The following EXTL2 variants were observed in gnomAD, a reference collection of about 807,000 sequenced individuals.
The protein encoded by EXTL2 is exostosin-like 2.
EXTL2 carries 23 observed loss-of-function variants against 30.7 expected under a neutral mutation model. The ratio of observed to expected loss-of-function variants is 0.75; its 90% CI spans 0.54 to 1.06. The LOEUF is 1.06. EXTL2 is among the 50% of genes least tolerant of loss of function. The probability of loss-of-function intolerance (pLI) is 0.00; values close to 1 mark genes in which losing one functional copy is unlikely to be tolerated. For synonymous variants in EXTL2, 123 were observed against 133.8 expected (o/e 0.92, Z 0.56); for missense variants, 352 against 396.3 (o/e 0.89, Z 0.95).
chr1:100,891,731 T>C (rs1161098917), intron 1 of EXTL2, among the ~76,000 whole-genome samples: 2 of 152,206 alleles, frequency 1.3e-5, no homozygotes, highest in Non-Finnish European at 2.9e-5. Flanking sequence ...ACTGGAAAAG[T>C]TGCAAATCTT....
intron 1 of EXTL2, among the ~76,000 whole-genome samples, chr1:100,893,117 G>C (rs1189135412): frequency 6.6e-6 from 1 of 152,130 alleles, no homozygotes; most frequent in Non-Finnish European, 1.5e-5. Context: ...TGGTAGGAGA[G>C]ATATAAAAAC....
rs186189164 is a variant in EXTL2, at chr1:100,873,869, A to G, written c.*73T>C. Reference sequence around the variant, plus strand: ...GTAGATAAAATTCATGATGTTGCTTAAAAAAATACATAGCATGGAGAAGCT... The same window carrying G: ...GTAGATAAAATTCATGATGTTGCTTGAAAAAATACATAGCATGGAGAAGCT... On this transcript the variant is annotated 3_prime_UTR_variant, in exon 5 of 5. Transcript: ENST00000370114. The G allele has an allele frequency of 2.1e-6, 3 of 1,442,892 alleles. No homozygotes were observed. In the African/African-American group the frequency reaches 4.3e-5, roughly 21 times the overall value. 89.4% of individuals were successfully genotyped at this position (1,442,892 alleles called of 1,614,324 possible). A position where few individuals can be genotyped will look rare whatever the true frequency, so the allele number is the denominator to read the frequency against.
intron 2 of EXTL2, among the ~76,000 whole-genome samples, chr1:100,887,798 G>A (rs531627154): frequency 2.6e-4 from 39 of 152,020 alleles, no homozygotes; most frequent in Middle Eastern, 3.4e-3. Context: ...CCGCCTCCCC[G>A]GGTCATTCTC....
At position 100,872,586 on chromosome 1, in the gene EXTL2, A is replaced by T. The variant is rs1648782990; in HGVS notation, c.*1356T>A. ...GTAAAAAAAAAACCATCATATGCGG[A>T]ACTAAATGCACAAAGACCTCATTAT... On this transcript the variant is annotated 3_prime_UTR_variant, in exon 5 of 5. Coordinates refer to ENST00000370114, the MANE Select transcript of EXTL2 (RefSeq NM_001033025.3). 1 of 152,456 alleles carries T rather than the reference A, an allele frequency of 6.6e-6. No individual in the cohort carries two copies. Among genetic ancestry groups the T allele is most frequent in the Non-Finnish European group, 1.5e-5 (1 of 67,966 alleles). The allele number at this position is 152,456 out of a possible 1,614,324, so 9.4% of individuals were successfully genotyped here. A position where few individuals can be genotyped will look rare whatever the true frequency, so the allele number is the denominator to read the frequency against.
chr1:100,882,826 T>TA (rs1024277221), intron 2 of EXTL2, among the ~76,000 whole-genome samples: 47 of 151,700 alleles, frequency 3.1e-4, no homozygotes, highest in Non-Finnish European at 4.7e-4. Context: ...TCTCATCTCA[T>TA]AAAAAAACAA....
In EXTL2 at chr1:100,888,814, C is replaced by CTATA; in HGVS notation, c.-58_-57insTATA. ...TTATAGCTTCAGTAATTGACAGAAG[C>CTATA]AGGCTCACTTGTCACTATTAAGATA... On this transcript the variant is annotated 5_prime_UTR_variant, in exon 2 of 5. The change abolishes the stop of an existing upstream ORF in the 5' untranslated region. Coordinates refer to ENST00000370114, the MANE Select transcript of EXTL2 (RefSeq NM_001033025.3). 1 of 1,404,560 alleles carries CTATA rather than the reference C, an allele frequency of 7.1e-7. No individual in the cohort carries two copies. The highest frequency in any genetic ancestry group is 9.8e-7 in the Non-Finnish European group (1 of 1,024,000). 87.0% of individuals were successfully genotyped at this position (1,404,560 alleles called of 1,614,324 possible).
At chr1:100,892,502 A>G (rs1325613757) in intron 1 of EXTL2, among the ~76,000 whole-genome samples, 2 of 152,126 alleles carry the variant, frequency 1.3e-5, no homozygotes, top group African/African-American at 4.8e-5. Flanking sequence ...TGATTGAGCC[A>G]CTACTGGCTT....
intron 2 of EXTL2, among the ~76,000 whole-genome samples, chr1:100,887,999 G>A (rs765576370): frequency 3.9e-5 from 6 of 152,120 alleles, no homozygotes; most frequent in Non-Finnish European, 5.9e-5. Context: ...CGCCCTGCCC[G>A]CCACATTGTA....
chr1:100,885,150 G>A (rs78667052), intron 2 of EXTL2, among the ~76,000 whole-genome samples: 3,523 of 152,286 alleles, frequency 0.023, 138 homozygotes, highest in African/African-American at 0.079. Flanking sequence ...AGACCACACA[G>A]GCCCCCTTTC....
chr1:100,876,992 T>C, intron 3 of EXTL2, 128 bp from the exon 4 acceptor site: 1 of 619,644 alleles, frequency 1.6e-6, no homozygotes, highest in Non-Finnish European at 2.8e-6. Flanking sequence ...ATAAGCAATG[T>C]ATTCTTGGGG....
intron 2 of EXTL2, among the ~76,000 whole-genome samples, chr1:100,880,213 C>T (rs1232904691): frequency 3.3e-5 from 5 of 152,084 alleles, no homozygotes; most frequent in Admixed American, 1.3e-4. Flanking sequence ...GCATACTCTC[C>T]ATGATAGGAC....
chr1:100,878,396 A>T (rs1205341302), intron 2 of EXTL2: 2 of 470,950 alleles, frequency 4.2e-6, no homozygotes, highest in South Asian at 3.1e-5. Context: ...GTACTTACTC[A>T]TTCAACAGAT....
At chr1:100,889,889 G>A (rs1321600563) in intron 1 of EXTL2, among the ~76,000 whole-genome samples, 1 of 152,162 alleles carries the variant, frequency 6.6e-6, no homozygotes, top group Non-Finnish European at 1.5e-5. Flanking sequence ...AGTGTCTGTG[G>A]CTTTTCCAGG....
chr1:100,891,310 T>C (rs1650407056), intron 1 of EXTL2, among the ~76,000 whole-genome samples: 1 of 152,226 alleles, frequency 6.6e-6, no homozygotes, highest in Non-Finnish European at 1.5e-5. Flanking sequence ...TTATTGTTTT[T>C]ATGTAAGCAT....
chr1:100,883,898 T>C (rs562266349), intron 2 of EXTL2, among the ~76,000 whole-genome samples: 5 of 152,280 alleles, frequency 3.3e-5, no homozygotes, highest in African/African-American at 9.6e-5. Context: ...GTAAATAATA[T>C]ATAGTATATT....
At chr1:100,893,263 G>A (rs1650573808) in intron 1 of EXTL2, among the ~76,000 whole-genome samples, 1 of 152,164 alleles carries the variant, frequency 6.6e-6, no homozygotes, top group Non-Finnish European at 1.5e-5. Flanking sequence ...TGACTTGCAA[G>A]ATACCATTTG....
At position 100,873,861 on chromosome 1, in the gene EXTL2, T is replaced by C; in HGVS notation, c.*81A>G. 3 of 1,381,284 alleles carry C rather than the reference T, an allele frequency of 2.2e-6. No homozygotes were observed. Among genetic ancestry groups the C allele is most frequent in the Non-Finnish European group, 2.9e-6 (3 of 1,019,020 alleles). The allele number at this position is 1,381,284 out of a possible 1,614,324, so 85.6% of individuals were successfully genotyped here. A position where few individuals can be genotyped will look rare whatever the true frequency, so the allele number is the denominator to read the frequency against. ...CTTCTGGAGTAGATAAAATTCATGA[T>C]GTTGCTTAAAAAAATACATAGCATG... On this transcript the variant is annotated 3_prime_UTR_variant, in exon 5 of 5. Coordinates refer to ENST00000370114, the MANE Select transcript of EXTL2 (RefSeq NM_001033025.3).
intron 2 of EXTL2, among the ~76,000 whole-genome samples, chr1:100,881,204 G>C (rs1649526106): frequency 6.6e-6 from 1 of 151,806 alleles, no homozygotes; most frequent in African/African-American, 2.4e-5. Context: ...GGACTTTATA[G>C]ACTGTAGTGC....
Position 100,877,565 on chromosome 1 carries a change from C to T in EXTL2, c.344G>A (p.Gly115Glu), listed in dbSNP as rs765249022. 8 of 1,613,210 alleles carry T rather than the reference C, an allele frequency of 5.0e-6. No individual in the cohort carries two copies. The African/African-American group carries it at 8.0e-5, about 16-fold the overall frequency. The stretch of plus-strand genomic sequence containing the variant: ...GAAGATCACAGGGATAGGGTGGGGC[C>T]CTAGAGAATTCCATAATTCATCTGG... ...KAPDELWNSLGPHPIPVIFKQ... is the reference protein window; with the variant it reads ...KAPDELWNSLEPHPIPVIFKQ... The change falls in exon 3 of 5, where the codon GGG becomes GAG. Residue 115 changes from glycine to glutamate, a missense_variant. By Grantham distance (98) the Gly-to-Glu change is moderately conservative. Coordinates refer to ENST00000370114, the MANE Select transcript of EXTL2 (RefSeq NM_001033025.3). This position sits in a 1 kb window ranked among gnomAD's most constrained non-coding sequence, Gnocchi z 4.1.
Sources: gnomAD v4.1 joint callset for allele counts (sites outside exome capture counted in the v4.1 genomes callset) on GRCh38, gnomAD v4.1.1 for gene constraint, Gnocchi (gnomAD v3.1) non-coding constraint, MANE v1.5 for transcripts, NCBI Gene and HGNC (gene_info 2026-07-23, HGNC 2026-07-21) for gene names.